The following LRMDA variants were observed in gnomAD, a reference collection of about 807,000 sequenced individuals.
LRMDA encodes the protein leucine rich melanocyte differentiation associated.
A neutral mutation model predicts 29.8 loss-of-function variants in LRMDA; 18 were observed. The ratio of observed to expected loss-of-function variants is 0.60; its 90% CI spans 0.42 to 0.90. The LOEUF (loss-of-function observed/expected upper bound fraction) is 0.90, where lower values mean the gene tolerates loss of function less well. LRMDA is among the 40% of genes least tolerant of loss of function. The probability of loss-of-function intolerance (pLI) is 0.00; values close to 1 mark genes in which losing one functional copy is unlikely to be tolerated. For synonymous variants in LRMDA, 125 were observed against 109.4 expected (o/e 1.14, Z -0.89); for missense variants, 273 against 273.9 (o/e 1.00, Z 0.02).
intron 2 of LRMDA, among the ~76,000 whole-genome samples, chr10:75,763,979 G>A (rs1843129379): frequency 6.6e-6 from 1 of 152,154 alleles, no homozygotes; most frequent in Admixed American, 6.5e-5. Context: ...AAGGTATCAA[G>A]CGTGCTGTCT....
chr10:75,845,593 G>T (rs1262973767), intron 2 of LRMDA, among the ~76,000 whole-genome samples: 1 of 152,190 alleles, frequency 6.6e-6, no homozygotes, highest in Non-Finnish European at 1.5e-5. Context: ...AGAAGTCCAG[G>T]ATGCCAGGTA....
intron 2 of LRMDA, among the ~76,000 whole-genome samples, chr10:75,961,078 A>C (rs1846757066): frequency 6.6e-6 from 1 of 152,214 alleles, no homozygotes; most frequent in African/African-American, 2.4e-5. Flanking sequence ...ATGAACAAAG[A>C]AAAGTTGTAA....
intron 5 of LRMDA, among the ~76,000 whole-genome samples, chr10:76,223,344 A>G (rs996997590): frequency 1.4e-4 from 21 of 152,190 alleles, no homozygotes; most frequent in Non-Finnish European, 2.6e-4. Flanking sequence ...AAGCTACAGA[A>G]GAATTACCTG....
At position 76,273,817 on chromosome 10, in the gene LRMDA, A is replaced by G. The variant is rs149863640; in HGVS notation, c.517-50584A>G. 2.6e-3 allele frequency among the ~76,000 whole-genome samples: 393 copies of G among 152,242 alleles called. 2 individuals are homozygous for G. The highest frequency in any genetic ancestry group is 4.4e-3 in the Admixed American group (67 of 15,280). Reference sequence around the variant, plus strand: ...ATGAAAAGGGCATTAACTAATGGGGATATTACAGGATGAGGTCAAATGATC... The same window carrying G: ...ATGAAAAGGGCATTAACTAATGGGGGTATTACAGGATGAGGTCAAATGATC... On this transcript the variant is annotated intron_variant, in intron 5 of 6. Coordinates refer to ENST00000611255, the MANE Select transcript of LRMDA (RefSeq NM_001305581.2).
intron 5 of LRMDA, among the ~76,000 whole-genome samples, chr10:76,304,562 G>A (rs547719477): frequency 3.3e-5 from 5 of 152,298 alleles, no homozygotes; most frequent in Non-Finnish European, 1.5e-5. Context: ...GGGGTAGAGA[G>A]CTCCCATCAG....
chr10:75,835,765 C>T (rs1312574374), intron 2 of LRMDA, among the ~76,000 whole-genome samples: 1 of 152,174 alleles, frequency 6.6e-6, no homozygotes, highest in Non-Finnish European at 1.5e-5. Context: ...TCAGGACTCT[C>T]TACTGTTATG....
chr10:75,677,745 G>C (rs1841977966), intron 2 of LRMDA, among the ~76,000 whole-genome samples: 1 of 152,234 alleles, frequency 6.6e-6, no homozygotes, highest in South Asian at 2.1e-4. Context: ...TGTGGATTTT[G>C]GCTTGGAGTC....
chr10:76,539,095 T>A (rs1843324530), intron 6 of LRMDA, among the ~76,000 whole-genome samples: 1 of 152,176 alleles, frequency 6.6e-6, no homozygotes. Context: ...TCCTAATATG[T>A]ATTAACTTAT....
At chr10:75,532,862 A>G (rs969239714) in intron 2 of LRMDA, among the ~76,000 whole-genome samples, 1 of 152,120 alleles carries the variant, frequency 6.6e-6, no homozygotes, top group African/African-American at 2.4e-5. Flanking sequence ...TGTATATTCA[A>G]GTTTGAAACT....
At chr10:75,716,607 G>A (rs1416503019) in intron 2 of LRMDA, among the ~76,000 whole-genome samples, 1 of 152,194 alleles carries the variant, frequency 6.6e-6, no homozygotes, top group African/African-American at 2.4e-5. Context: ...ATACCTTTAG[G>A]TTCAAGCTAG....
chr10:75,832,819 T>C (rs1318929338), intron 2 of LRMDA, among the ~76,000 whole-genome samples: 1 of 152,200 alleles, frequency 6.6e-6, no homozygotes, highest in Non-Finnish European at 1.5e-5. Context: ...CTTCTGTTTT[T>C]AAAACCATCA....
At chr10:75,485,672 G>A (rs916012954) in intron 2 of LRMDA, among the ~76,000 whole-genome samples, 2 of 151,870 alleles carry the variant, frequency 1.3e-5, no homozygotes, top group Non-Finnish European at 2.9e-5. Flanking sequence ...CCGCCTCCCG[G>A]GTTCAAGCGA....
At chr10:76,344,478 A>C (rs1841078822) in intron 6 of LRMDA, among the ~76,000 whole-genome samples, 1 of 152,216 alleles carries the variant, frequency 6.6e-6, no homozygotes, top group African/African-American at 2.4e-5. Context: ...TTGTAAATTT[A>C]TAAATTCATT....
At chr10:76,428,656 T>G (rs1358166960) in intron 6 of LRMDA, among the ~76,000 whole-genome samples, 2 of 151,982 alleles carry the variant, frequency 1.3e-5, no homozygotes, top group East Asian at 3.9e-4. Context: ...TGGGGGTGAA[T>G]GAGGAGGGTA....
intron 5 of LRMDA, among the ~76,000 whole-genome samples, chr10:76,207,463 A>G (rs1006687478): frequency 2.6e-5 from 4 of 152,200 alleles, no homozygotes; most frequent in African/African-American, 9.6e-5. Flanking sequence ...CTGTTAGTTG[A>G]GAAACATGCC....
chr10:75,843,485 T>C (rs956530071), intron 2 of LRMDA, among the ~76,000 whole-genome samples: 1 of 152,218 alleles, frequency 6.6e-6, no homozygotes, highest in African/African-American at 2.4e-5. Context: ...CCTGAACTTC[T>C]GGGAACTTAG....
At chr10:75,941,152 T>G (rs577220768) in intron 2 of LRMDA, among the ~76,000 whole-genome samples, 2 of 152,270 alleles carry the variant, frequency 1.3e-5, no homozygotes, top group Non-Finnish European at 2.9e-5. Flanking sequence ...AGCCACCTTA[T>G]AGTTTAAATG....
chr10:75,786,427 G>A (rs1843473690), intron 2 of LRMDA, among the ~76,000 whole-genome samples: 1 of 152,038 alleles, frequency 6.6e-6, no homozygotes, highest in African/African-American at 2.4e-5. Flanking sequence ...TCATTTTCAA[G>A]CTTAATACTC....
intron 5 of LRMDA, among the ~76,000 whole-genome samples, chr10:76,083,833 C>CA (rs71024585): frequency 0.49 from 57,767 of 116,770 alleles, 12,829 homozygotes; most frequent in Middle Eastern, 0.53. Flanking sequence ...GACTGCATCT[C>CA]AAAAAAAAAA....
Sources: allele counts gnomAD v4.1 joint callset (sites outside exome capture counted in the v4.1 genomes callset), GRCh38; gene constraint gnomAD v4.1.1; transcripts MANE v1.5; gene names NCBI Gene and HGNC (gene_info 2026-07-23, HGNC 2026-07-21).